PIGL: variants seen among roughly 807,000 people sequenced by gnomAD.
PIGL encodes N-acetylglucosaminyl-phosphatidylinositol de-N-acetylase.
Under a neutral mutation model 31.1 loss-of-function variants are expected in PIGL, and 22 were observed. The ratio of observed to expected loss-of-function variants is 0.71; its 90% CI spans 0.51 to 1.01. The LOEUF (loss-of-function observed/expected upper bound fraction) is 1.01. PIGL is among the 50% of genes least tolerant of loss of function. The probability of loss-of-function intolerance (pLI) is 0.00; values close to 1 mark genes in which losing one functional copy is unlikely to be tolerated. For synonymous variants in PIGL, 131 were observed against 117.4 expected, an observed-to-expected ratio of 1.12 and a Z score of -0.75; for missense variants, 302 against 315.9, an observed-to-expected ratio of 0.96 and a Z score of 0.33.
intron 2 of PIGL, among the ~76,000 whole-genome samples, chr17:16,266,947 T>C (rs930934331): frequency 6.0e-5 from 9 of 149,308 alleles, no homozygotes; most frequent in Admixed American, 2.0e-4. Flanking sequence ...TTTATGAATC[T>C]CCTTGATCTC....
intron 1 of PIGL, 168 bp downstream of exon 1, chr17:16,217,629 AC>A: frequency 3.7e-6 from 2 of 547,592 alleles, no homozygotes; most frequent in South Asian, 2.9e-5. Context: ...CGGCCGGCTT[AC>A]CTGGTGGGTT....
Position 16,219,814 on chromosome 17 carries a change from C to T in PIGL, c.235+2353C>T, listed in dbSNP as rs751858775. 6.8e-4 allele frequency among the ~76,000 whole-genome samples: 104 copies of T among 151,846 alleles called. 1 individual carries two copies. Among genetic ancestry groups the T allele is most frequent in the Non-Finnish European group, 3.2e-4 (22 of 67,964 alleles). On this transcript the variant is annotated intron_variant, in intron 1 of 6. Coordinates refer to ENST00000225609, the MANE Select transcript of PIGL (RefSeq NM_004278.4). Reference sequence around the variant, plus strand: ...CTCCTGACAAGTGATCCACCCACCTCGGCCTCCCAAAGTGCTGGGATTACA... The same window carrying T: ...CTCCTGACAAGTGATCCACCCACCTTGGCCTCCCAAAGTGCTGGGATTACA...
intron 2 of PIGL, among the ~76,000 whole-genome samples, chr17:16,252,640 C>G (rs2092777581): frequency 6.6e-6 from 1 of 151,474 alleles, no homozygotes; most frequent in Non-Finnish European, 1.5e-5. Flanking sequence ...TCCTACACAA[C>G]TAATAAAACT....
intron 3 of PIGL, among the ~76,000 whole-genome samples, chr17:16,301,986 C>A (rs757075609): frequency 7.9e-5 from 12 of 152,066 alleles, no homozygotes; most frequent in Non-Finnish European, 1.8e-4. Flanking sequence ...CAGATGTGAG[C>A]CACTGCATCA....
chr17:16,219,065 A>ATTTTTTTTTT (rs766541353), intron 1 of PIGL, among the ~76,000 whole-genome samples: 1 of 81,640 alleles, frequency 1.2e-5, no homozygotes, highest in African/African-American at 4.2e-5. Flanking sequence ...TTTTTTATAA[A>ATTTTTTTTTT]TTTTTTTTTT....
chr17:16,286,145 C>T (rs1465497873), intron 2 of PIGL, among the ~76,000 whole-genome samples: 2 of 152,210 alleles, frequency 1.3e-5, no homozygotes, highest in African/African-American at 4.8e-5. Flanking sequence ...CTGAACCTTC[C>T]GGCTTGCGCT....
intron 2 of PIGL, among the ~76,000 whole-genome samples, chr17:16,280,118 C>T (rs2092910538): frequency 6.6e-6 from 1 of 152,208 alleles, no homozygotes; most frequent in Admixed American, 6.5e-5. Context: ...TTGATGTACA[C>T]ACAGATGCTT....
intron 1 of PIGL, among the ~76,000 whole-genome samples, chr17:16,228,457 T>C (rs906321273): frequency 6.6e-6 from 1 of 152,110 alleles, no homozygotes; most frequent in Admixed American, 6.6e-5. Flanking sequence ...CGATGTACGC[T>C]CACTGCAAGC....
chr17:16,245,023 G>C (rs1190778769), intron 2 of PIGL, among the ~76,000 whole-genome samples: 1 of 151,174 alleles, frequency 6.6e-6, no homozygotes, highest in Non-Finnish European at 1.5e-5. Flanking sequence ...ACGGAGTTTC[G>C]CTCTTGTTGC....
chr17:16,246,207 G>T (rs1323400044), intron 2 of PIGL, among the ~76,000 whole-genome samples: 1 of 151,400 alleles, frequency 6.6e-6, no homozygotes, highest in Non-Finnish European at 1.5e-5. Context: ...ATAGTAGAGG[G>T]ATAGTAAGCC....
intron 2 of PIGL, among the ~76,000 whole-genome samples, chr17:16,287,301 T>C (rs925111373): frequency 2.0e-5 from 3 of 152,244 alleles, no homozygotes; most frequent in African/African-American, 7.2e-5. Flanking sequence ...TGGAGATAAA[T>C]ACTTCCTTCT....
At chr17:16,302,663 G>C (rs913520799) in intron 3 of PIGL, among the ~76,000 whole-genome samples, 1 of 151,970 alleles carries the variant, frequency 6.6e-6, no homozygotes, top group Non-Finnish European at 1.5e-5. Flanking sequence ...GCAGTGGCGC[G>C]ATCTCAGCTC....
chr17:16,244,880 G>A (rs902379832), intron 2 of PIGL, among the ~76,000 whole-genome samples: 3 of 152,056 alleles, frequency 2.0e-5, no homozygotes, highest in Admixed American at 6.6e-5. Context: ...GTTTTGCCAC[G>A]TTGCATAGGC....
In PIGL at chr17:16,254,121, C is replaced by A. The variant is rs570381625; in HGVS notation, c.335+20051C>A. Among the ~76,000 whole-genome samples, 7 of 152,254 alleles carry A rather than the reference C, an allele frequency of 4.6e-5. No individual in the cohort carries two copies. In the South Asian group the frequency reaches 1.4e-3, roughly 32 times the overall value. ...CATTTTCCAACGCCCTTCATCTTGTCCCTCTAGCAACCTTCTGTTTATTCT... is the reference window on the plus strand; with the variant it reads ...CATTTTCCAACGCCCTTCATCTTGTACCTCTAGCAACCTTCTGTTTATTCT... On this transcript the variant is annotated intron_variant, in intron 2 of 6. Transcript: ENST00000225609.
At chr17:16,300,118 A>G in intron 3 of PIGL, 140 bp downstream of exon 3, 1 of 646,370 alleles carries the variant, frequency 1.5e-6, no homozygotes, top group Non-Finnish European at 2.8e-6. Context: ...CAGAACTTCC[A>G]ATGCTCACCA....
intron 1 of PIGL, among the ~76,000 whole-genome samples, chr17:16,228,485 C>G (rs2092663310): frequency 6.6e-6 from 1 of 151,310 alleles, no homozygotes; most frequent in East Asian, 1.9e-4. Flanking sequence ...CCCGGGTTTA[C>G]TTACACCATT....
intron 1 of PIGL, among the ~76,000 whole-genome samples, chr17:16,229,858 ATT>A (rs71150280): frequency 1.0e-5 from 1 of 97,698 alleles, no homozygotes; most frequent in Non-Finnish European, 1.8e-5. Context: ...TAAAGTCATG[ATT>A]TTTTTTTTTT....
chr17:16,326,141 T>G lies in PIGL; in HGVS notation c.*243T>G. ...TAATAATAGCTACACTGCTAGCTTC[T>G]CAAGTTCTTGTGAAAAACAATTTAC... On this transcript the variant is annotated 3_prime_UTR_variant, in exon 7 of 7. Coordinates refer to ENST00000225609, the MANE Select transcript of PIGL (RefSeq NM_004278.4). The G allele has an allele frequency of 2.1e-6, 1 of 480,904 alleles. No homozygotes were observed. The highest frequency in any genetic ancestry group is 3.3e-5 in the East Asian group (1 of 30,010). The allele number at this position is 480,904 out of a possible 1,614,324, so 29.8% of individuals were successfully genotyped here. A position where few individuals can be genotyped will look rare whatever the true frequency, so the allele number is the denominator to read the frequency against.
At chr17:16,312,556 A>G (rs1483035787) in intron 3 of PIGL, 2 of 159,736 alleles carry the variant, frequency 1.3e-5, no homozygotes, top group Admixed American at 6.6e-5. Context: ...GCACTTTGGG[A>G]GGCCAAGGCA....
Sources: allele counts gnomAD v4.1 joint callset (sites outside exome capture counted in the v4.1 genomes callset), GRCh38; gene constraint gnomAD v4.1.1; transcripts MANE v1.5; gene names NCBI Gene and HGNC (gene_info 2026-07-23, HGNC 2026-07-21).